ATF7: variants seen among roughly 807,000 people sequenced by gnomAD.
ATF7 encodes cyclic AMP-dependent transcription factor ATF-7.
In ATF7, 10 loss-of-function variants were observed where a neutral mutation model predicts 50.4. The observed-to-expected ratio is 0.20, with a 90% CI of 0.12 to 0.34. The LOEUF is 0.34. Ranked by LOEUF, ATF7 falls within the 10% of genes least tolerant of loss-of-function variation. The pLI, the probability that ATF7 is intolerant of heterozygous loss-of-function variation, is 1.00. For synonymous variants in ATF7, 201 were observed against 226.4 expected (o/e 0.89, Z 1.01); for missense variants, 465 against 613.9 (o/e 0.76, Z 2.56).
chr12:53,547,416 G>C (rs1053977283), intron 3 of ATF7, among the ~76,000 whole-genome samples: 1 of 151,118 alleles, frequency 6.6e-6, no homozygotes, highest in Non-Finnish European at 1.5e-5. Flanking sequence ...CTCCCAAGTA[G>C]CTGGGATTTC....
At chr12:53,541,450 G>A (rs1483707793) in intron 4 of ATF7, among the ~76,000 whole-genome samples, 1 of 152,106 alleles carries the variant, frequency 6.6e-6, no homozygotes, top group Non-Finnish European at 1.5e-5. Flanking sequence ...AGTAAAATTT[G>A]ATCTTTGCAT....
At chr12:53,606,933 G>T (rs892763740) in intron 1 of ATF7, among the ~76,000 whole-genome samples, 10 of 152,106 alleles carry the variant, frequency 6.6e-5, no homozygotes, top group African/African-American at 2.4e-4. Context: ...TGGTGTATAT[G>T]TGCCAAATTT....
intron 3 of ATF7, among the ~76,000 whole-genome samples, chr12:53,549,130 C>T (rs1006828589): frequency 6.6e-6 from 1 of 151,262 alleles, no homozygotes; most frequent in African/African-American, 2.4e-5. Flanking sequence ...ACTAAAAATA[C>T]AAAAAAATTA....
At chr12:53,621,682 T>C (rs1944387295) in intron 1 of ATF7, among the ~76,000 whole-genome samples, 1 of 149,252 alleles carries the variant, frequency 6.7e-6, no homozygotes, top group African/African-American at 2.5e-5. Context: ...CCAACTACTC[T>C]GGTGGCTGAG....
Position 53,531,586 on chromosome 12 carries a change from C to T in ATF7, c.927+158G>A, listed in dbSNP as rs748213845. On this transcript the variant is annotated intron_variant, in intron 9 of 11. Transcript: ENST00000420353. ...TGAATAAATAATAAAAAGAATGGTACGTTTTGCTATAGTCAAACTGCCATC... is the reference window on the plus strand; with the variant it reads ...TGAATAAATAATAAAAAGAATGGTATGTTTTGCTATAGTCAAACTGCCATC... 2.0e-5 allele frequency among the ~76,000 whole-genome samples: 3 copies of T among 152,266 alleles called. No individual in the cohort carries two copies. The South Asian group carries it at 6.2e-4, about 31-fold the overall frequency.
chr12:53,536,162 TCAAA>T (rs1185939442), intron 5 of ATF7, among the ~76,000 whole-genome samples: 2 of 152,252 alleles, frequency 1.3e-5, no homozygotes, highest in Admixed American at 6.5e-5. Context: ...TCTATCATTG[TCAAA>T]CAGTTTTGCC....
At chr12:53,551,451 C>T (rs1940347259) in intron 3 of ATF7, among the ~76,000 whole-genome samples, 3 of 152,046 alleles carry the variant, frequency 2.0e-5, no homozygotes, top group African/African-American at 7.2e-5. Flanking sequence ...CATGAGCCAC[C>T]ACACCTGATC....
intron 2 of ATF7, among the ~76,000 whole-genome samples, chr12:53,597,760 T>C (rs562507777): frequency 1.4e-5 from 2 of 147,028 alleles, no homozygotes; most frequent in African/African-American, 5.1e-5. Flanking sequence ...AGTGAGCTGA[T>C]ATAGCGCCAC....
chr12:53,535,461 G>C (rs922852856), intron 5 of ATF7, among the ~76,000 whole-genome samples: 1 of 152,050 alleles, frequency 6.6e-6, no homozygotes, highest in African/African-American at 2.4e-5. Flanking sequence ...CATAGTGGAT[G>C]TTAAAATTAA....
chr12:53,519,895 C>T (rs756616709), intron 11 of ATF7, among the ~76,000 whole-genome samples: 15 of 152,132 alleles, frequency 9.9e-5, no homozygotes, highest in South Asian at 4.2e-4. Flanking sequence ...TACAGATGCA[C>T]GCCACCATGC....
intron 2 of ATF7, among the ~76,000 whole-genome samples, chr12:53,585,791 G>A (rs1942650901): frequency 6.6e-6 from 1 of 151,970 alleles, no homozygotes; most frequent in South Asian, 2.1e-4. Context: ...TTCATGCGGT[G>A]GAGGAAGAAA....
At chr12:53,518,408 A>G (rs771148240) in intron 11 of ATF7, among the ~76,000 whole-genome samples, 16 of 152,350 alleles carry the variant, frequency 1.1e-4, no homozygotes, top group South Asian at 4.1e-4. Context: ...ACTACTAAAC[A>G]CAACTACCTG....
chr12:53,587,928 C>T (rs1942792208), intron 2 of ATF7, among the ~76,000 whole-genome samples: 1 of 149,518 alleles, frequency 6.7e-6, no homozygotes, highest in Non-Finnish European at 1.5e-5. Flanking sequence ...CTCACTGCAA[C>T]CTCTGCCTCC....
chr12:53,511,034 C>T (rs1477620265), downstream of ATF7, among the ~76,000 whole-genome samples: 1 of 152,216 alleles, frequency 6.6e-6, no homozygotes, highest in East Asian at 1.9e-4. Context: ...CTACCAAACA[C>T]CAGCCACAGA....
intron 1 of ATF7, among the ~76,000 whole-genome samples, chr12:53,607,433 T>C (rs1943661485): frequency 6.6e-6 from 1 of 152,206 alleles, no homozygotes; most frequent in African/African-American, 2.4e-5. Flanking sequence ...TTCATTCTTC[T>C]TTCAGTCTCT....
At chr12:53,589,697 T>C (rs1490566854) in intron 2 of ATF7, among the ~76,000 whole-genome samples, 1 of 152,086 alleles carries the variant, frequency 6.6e-6, no homozygotes, top group Non-Finnish European at 1.5e-5. Context: ...AGAGACAATA[T>C]CTCTATGAAA....
intron 3 of ATF7, chr12:53,543,690 C>T: frequency 2.2e-6 from 1 of 462,836 alleles, no homozygotes; most frequent in Non-Finnish European, 3.8e-6. Flanking sequence ...TGTTGTGTGA[C>T]TATCCACGTA....
chr12:53,535,586 A>C (rs1355504284), intron 5 of ATF7, among the ~76,000 whole-genome samples: 1 of 152,144 alleles, frequency 6.6e-6, no homozygotes, highest in Non-Finnish European at 1.5e-5. Flanking sequence ...GACTTCGTGA[A>C]AATTCAGTAA....
chr12:53,548,994 C>A (rs1365671367), intron 3 of ATF7, among the ~76,000 whole-genome samples: 1 of 150,986 alleles, frequency 6.6e-6, no homozygotes, highest in Non-Finnish European at 1.5e-5. Flanking sequence ...CCAAAAAATA[C>A]CCCCCAAAAC....
Sources: allele counts gnomAD v4.1 joint callset (sites outside exome capture counted in the v4.1 genomes callset), GRCh38; gene constraint gnomAD v4.1.1; transcripts MANE v1.5; gene names NCBI Gene and HGNC (gene_info 2026-07-23, HGNC 2026-07-21).